Variants in GABRA3 observed in about 807,000 individuals in gnomAD.
The protein encoded by GABRA3 is gamma-aminobutyric acid receptor subunit alpha-3.
A neutral mutation model predicts 30.1 loss-of-function variants in GABRA3; 10 were observed. The observed-to-expected ratio is 0.33, with a 90% CI of 0.20 to 0.56. The LOEUF (loss-of-function observed/expected upper bound fraction) is 0.56. Among genes scored for constraint, GABRA3 ranks in the 20% least tolerant of loss-of-function variants. GABRA3 has a pLI of 0.89. For missense variants in GABRA3, 233 were observed against 392.0 expected (o/e 0.59, Z 3.42); for synonymous variants, 151 against 146.8 (o/e 1.03, Z -0.21).
At chrX:152,239,157 T>G (rs1260391693) in intron 5 of GABRA3, among the ~76,000 whole-genome samples, 2 of 96,690 alleles carry the variant, frequency 2.1e-5, no homozygotes, top group African/African-American at 7.8e-5. Context: ...CTCTACACAC[T>G]GCTTTGAATG....
intron 1 of GABRA3, among the ~76,000 whole-genome samples, chrX:152,389,764 T>C (rs991807777): frequency 6.3e-5 from 7 of 111,225 alleles, no homozygotes; most frequent in Non-Finnish European, 1.3e-4. Flanking sequence ...AGGGGAAGAA[T>C]ACCTCAGTGC....
chrX:152,336,342 C>T (rs1235061420), intron 3 of GABRA3, among the ~76,000 whole-genome samples: 1 of 111,825 alleles, frequency 8.9e-6, no homozygotes, highest in East Asian at 2.8e-4. Context: ...CGTATCACTC[C>T]TAATGAATAT....
At chrX:152,271,109 C>T (rs1938927862) in intron 4 of GABRA3, among the ~76,000 whole-genome samples, 1 of 109,420 alleles carries the variant, frequency 9.1e-6, no homozygotes, top group Admixed American at 9.8e-5. Context: ...ATTACAGGCA[C>T]CTGCTACCAT....
At chrX:152,203,077 A>T (rs1367245274) in intron 7 of GABRA3, among the ~76,000 whole-genome samples, 1 of 112,121 alleles carries the variant, frequency 8.9e-6, no homozygotes, top group Non-Finnish European at 1.9e-5. Flanking sequence ...CTTACAAGGG[A>T]GGTCCCTGCT....
intron 1 of GABRA3, among the ~76,000 whole-genome samples, chrX:152,408,537 A>G (rs1929991202): frequency 9.0e-6 from 1 of 111,638 alleles, no homozygotes; most frequent in Non-Finnish European, 1.9e-5. Flanking sequence ...CTACAATGAA[A>G]ACTGCAAAAT....
chrX:152,434,716 A>C lies in GABRA3; in HGVS notation c.-27+16430T>G, dbSNP rs771423524. Among the ~76,000 whole-genome samples the C allele has an allele frequency of 3.6e-5, 4 of 112,385 alleles. No homozygotes were observed. In the South Asian group the frequency reaches 1.1e-3, roughly 31 times the overall value. On this transcript the variant is annotated intron_variant, in intron 1 of 9. Transcript: ENST00000370314. ...GACCAAATAGAATGGTTCTATGGGA[A>C]ATGGTAGAATGGTTCAACACTTAAA... is the stretch of plus-strand genomic sequence containing the variant.
rs993525236 is a variant in GABRA3, at chrX:152,264,840, G to A, written c.331-8842C>T. 2.7e-5 allele frequency among the ~76,000 whole-genome samples: 3 copies of A among 110,903 alleles called. No homozygotes were observed. The Admixed American group carries it at 2.9e-4, about 11-fold the overall frequency. Reference sequence around the variant, plus strand: ...AGATGGAAAGCAAAAAAGAGCAGGAGTAGCTACACTTATATCAGACAAAAT... The same window carrying A: ...AGATGGAAAGCAAAAAAGAGCAGGAATAGCTACACTTATATCAGACAAAAT... On this transcript the variant is annotated intron_variant, in intron 4 of 9. Transcript: ENST00000370314.
chrX:152,323,025 G>A (rs1012247186), intron 3 of GABRA3, among the ~76,000 whole-genome samples: 9 of 107,887 alleles, frequency 8.3e-5, no homozygotes, highest in Non-Finnish European at 1.3e-4. Flanking sequence ...GCTAATTTTT[G>A]TATTTTTAGT....
chrX:152,205,651 T>A (rs1164110338), intron 7 of GABRA3, among the ~76,000 whole-genome samples: 2 of 112,036 alleles, frequency 1.8e-5, no homozygotes, highest in African/African-American at 6.5e-5. Flanking sequence ...CCAAAACAAG[T>A]AATAATAAAT....
At chrX:152,180,890 TG>T (rs1383326264) in intron 9 of GABRA3, among the ~76,000 whole-genome samples, 1 of 112,308 alleles carries the variant, frequency 8.9e-6, no homozygotes, top group South Asian at 3.7e-4. Context: ...TGTGTTAAAT[TG>T]CTCTGTGTGT....
intron 7 of GABRA3, among the ~76,000 whole-genome samples, chrX:152,205,018 G>A (rs948956927): frequency 1.8e-5 from 2 of 111,860 alleles, no homozygotes; most frequent in South Asian, 3.8e-4. Context: ...ACGCGTGTGT[G>A]TGTGTCTCTA....
At chrX:152,306,666 T>A (rs531432771) in intron 3 of GABRA3, among the ~76,000 whole-genome samples, 10 of 112,123 alleles carry the variant, frequency 8.9e-5, no homozygotes, top group African/African-American at 3.2e-4. Context: ...ACCTCCCATG[T>A]CTTTGTTAAA....
chrX:152,237,018 T>G (rs1938233423), intron 5 of GABRA3, among the ~76,000 whole-genome samples: 1 of 108,327 alleles, frequency 9.2e-6, no homozygotes, highest in African/African-American at 3.4e-5. Flanking sequence ...CATTTGTCAA[T>G]TTTGGCTTTT....
intron 2 of GABRA3, among the ~76,000 whole-genome samples, chrX:152,361,571 CAA>C (rs35341591): frequency 1.1e-3 from 37 of 34,969 alleles, no homozygotes; most frequent in African/African-American, 2.6e-3. Context: ...GACTCCATCT[CAA>C]AAAAAAAAAA....
intron 1 of GABRA3, among the ~76,000 whole-genome samples, chrX:152,385,706 T>A (rs1309685344): frequency 8.9e-6 from 1 of 111,819 alleles, no homozygotes; most frequent in Non-Finnish European, 1.9e-5. Context: ...GGTTTTCTTC[T>A]AGGGTTTTTA....
At chrX:152,297,246 T>A (rs750841) in intron 3 of GABRA3, among the ~76,000 whole-genome samples, 24,816 of 110,736 alleles carry the variant, frequency 0.22, 2,673 homozygotes, top group African/African-American at 0.43. Context: ...TCTCAAAATT[T>A]ATGTTCCAGT....
At chrX:152,174,208 G>A (rs1451851375) in intron 9 of GABRA3, among the ~76,000 whole-genome samples, 5 of 110,847 alleles carry the variant, frequency 4.5e-5, no homozygotes, top group African/African-American at 1.6e-4. Context: ...CATTTGGGTT[G>A]GTTCCAAGTC....
intron 3 of GABRA3, among the ~76,000 whole-genome samples, chrX:152,289,841 T>G (rs950694869): frequency 8.9e-6 from 1 of 111,775 alleles, no homozygotes; most frequent in Non-Finnish European, 1.9e-5. Context: ...GCAAAGGACA[T>G]GAACTCATCC....
chrX:152,450,468 G>C (rs147003652), intron 1 of GABRA3, among the ~76,000 whole-genome samples: 2,941 of 107,249 alleles, frequency 0.027, 61 homozygotes, highest in Middle Eastern at 0.055. Flanking sequence ...GGAGCTTCTC[G>C]CCGGGAAACA....
Sources: gnomAD v4.1 joint callset for allele counts (sites outside exome capture counted in the v4.1 genomes callset) on GRCh38, gnomAD v4.1.1 for gene constraint, MANE v1.5 for transcripts, NCBI Gene and HGNC (gene_info 2026-07-23, HGNC 2026-07-21) for gene names.